Variants in CCDC125 observed in about 807,000 individuals in gnomAD.
The protein encoded by CCDC125 is coiled-coil domain-containing protein 125.
Under a neutral mutation model 57.4 loss-of-function variants are expected in CCDC125, and 43 were observed. The ratio of observed to expected loss-of-function variants is 0.75; its 90% CI spans 0.59 to 0.97. CCDC125 has a LOEUF of 0.97. CCDC125 is among the 50% of genes least tolerant of loss of function. The pLI, the probability that CCDC125 is intolerant of heterozygous loss-of-function variation, is 0.00. For synonymous variants in CCDC125, 187 were observed against 195.2 expected (o/e 0.96, Z 0.35); for missense variants, 563 against 595.7 (o/e 0.95, Z 0.57).
chr5:69,280,966 G>A lies in CCDC125; in HGVS notation c.*1763C>T, dbSNP rs1038067410. The A allele has an allele frequency of 3.9e-5, 6 of 152,210 alleles. No homozygotes were observed. Among genetic ancestry groups the A allele is most frequent in the African/African-American group, 9.7e-5 (4 of 41,402 alleles). The allele number at this position is 152,210 out of a possible 1,614,324, so 9.4% of individuals were successfully genotyped here. A position where few individuals can be genotyped will look rare whatever the true frequency, so the allele number is the denominator to read the frequency against. On this transcript the variant is annotated 3_prime_UTR_variant, in exon 12 of 12. Coordinates refer to ENST00000396496, the MANE Select transcript of CCDC125 (RefSeq NM_176816.5). The stretch of plus-strand genomic sequence containing the variant: ...CAGGTGCATGCCACCATGCCTTGCC[G>A]AGTTTTTGTATAGATGGGGTTTCAC...
At chr5:69,309,465 C>T (rs1276629532) in intron 4 of CCDC125, 2 of 152,250 alleles carry the variant, frequency 1.3e-5, no homozygotes, top group Admixed American at 6.5e-5. Flanking sequence ...GCCTTGGCAG[C>T]TTCCACATGA....
intron 1 of CCDC125, among the ~76,000 whole-genome samples, chr5:69,322,922 T>C (rs1760261058): frequency 6.6e-6 from 1 of 151,884 alleles, no homozygotes; most frequent in African/African-American, 2.4e-5. Context: ...GGTGGGAGAA[T>C]TGCTTGGCTC....
downstream of CCDC125, among the ~76,000 whole-genome samples, chr5:69,279,626 G>GAC (rs1752373003): frequency 6.6e-6 from 1 of 152,096 alleles, no homozygotes; most frequent in Admixed American, 6.5e-5. Context: ...CTCACCACAG[G>GAC]ACAGCAGCAG....
intron 4 of CCDC125, chr5:69,309,058 C>T (rs1757761775): frequency 6.6e-6 from 1 of 152,370 alleles, no homozygotes; most frequent in South Asian, 2.1e-4. Flanking sequence ...CAAGAGATGG[C>T]TTGGGTACTG....
chr5:69,324,851 T>G (rs1292231396), intron 1 of CCDC125, among the ~76,000 whole-genome samples: 1 of 151,644 alleles, frequency 6.6e-6, no homozygotes, highest in East Asian at 2.0e-4. Flanking sequence ...CCATCACTAA[T>G]TAAAACAATA....
At position 69,294,820 on chromosome 5, in the gene CCDC125, C is replaced by G; in HGVS notation, c.897G>C (p.Arg299=). The G allele has an allele frequency of 6.2e-7, 1 of 1,614,164 alleles. No individual in the cohort carries two copies. Among genetic ancestry groups the G allele is most frequent in the Non-Finnish European group, 8.5e-7 (1 of 1,180,004 alleles). The part of the protein sequence containing the change: ...CSCARMAAST[R]KLLLQLKQEL... ...CTTGTTTGAGCTGAAGAAGCAGTTT[C>G]CGAGTGGATGCTGCCATTCTGGCAC... The change falls in exon 9 of 12, where the codon CGG becomes CGC. Residue 299 remains arginine, a synonymous_variant. Coordinates refer to ENST00000396496, the MANE Select transcript of CCDC125 (RefSeq NM_176816.5).
intron 2 of CCDC125, among the ~76,000 whole-genome samples, chr5:69,316,649 C>G (rs1165120234): frequency 6.6e-6 from 1 of 152,134 alleles, no homozygotes; most frequent in Non-Finnish European, 1.5e-5. Flanking sequence ...GTAGCTGGGA[C>G]TACAGGTGCA....
At chr5:69,297,927 T>G (rs1318200998) in intron 8 of CCDC125, among the ~76,000 whole-genome samples, 1 of 151,748 alleles carries the variant, frequency 6.6e-6, no homozygotes, top group East Asian at 2.0e-4. Context: ...GAGCCATGAT[T>G]GTGCCACTGT....
chr5:69,295,662 C>A (rs57847064), intron 8 of CCDC125, among the ~76,000 whole-genome samples: 1 of 152,174 alleles, frequency 6.6e-6, no homozygotes, highest in Admixed American at 6.6e-5. Flanking sequence ...GAGCAGATGA[C>A]TTCGAAAAGA....
In CCDC125 at chr5:69,280,305, A is replaced by G. The variant is rs1168589438; in HGVS notation, c.*2424T>C. 1 of 152,214 alleles carries G rather than the reference A, an allele frequency of 6.6e-6. No homozygotes were observed. Among genetic ancestry groups the G allele is most frequent in the Non-Finnish European group, 1.5e-5 (1 of 68,036 alleles). The allele number at this position is 152,214 out of a possible 1,614,324, so 9.4% of individuals were successfully genotyped here. On this transcript the variant is annotated 3_prime_UTR_variant, in exon 12 of 12. Coordinates refer to ENST00000396496, the MANE Select transcript of CCDC125 (RefSeq NM_176816.5). ...CACATTTTGATTTTACCTGTCCTCA[A>G]ACTGATCCTTTGCACATGATAATAA...
Position 69,282,546 on chromosome 5 carries a change from G to A in CCDC125, c.*183C>T. The A allele has an allele frequency of 1.8e-6, 1 of 562,628 alleles. No homozygotes were observed. Among genetic ancestry groups the A allele is most frequent in the Admixed American group, 3.5e-5 (1 of 28,228 alleles). The allele number at this position is 562,628 out of a possible 1,614,324, so 34.9% of individuals were successfully genotyped here. ...ACTGCACTCCAACCTGGGTGACAGA[G>A]CAAGACTCCATCTCAAAAGAAGAAA... On this transcript the variant is annotated 3_prime_UTR_variant, in exon 12 of 12. Transcript: ENST00000396496.
At chr5:69,323,189 A>G (rs1157460479) in intron 1 of CCDC125, among the ~76,000 whole-genome samples, 1 of 151,078 alleles carries the variant, frequency 6.6e-6, no homozygotes, top group Non-Finnish European at 1.5e-5. Context: ...TGTGCCTGTA[A>G]TCTCAGCTAC....
intron 6 of CCDC125, among the ~76,000 whole-genome samples, chr5:69,304,422 C>CTTT (rs35397437): frequency 6.7e-5 from 9 of 134,002 alleles, no homozygotes; most frequent in Non-Finnish European, 6.2e-5. Context: ...TAAACATACC[C>CTTT]TTTTTTTTTT....
chr5:69,311,581 G>A (rs181306416), intron 3 of CCDC125, among the ~76,000 whole-genome samples: 93 of 152,252 alleles, frequency 6.1e-4, no homozygotes, highest in Non-Finnish European at 9.1e-4. Flanking sequence ...GAACCCGGGA[G>A]GCGGAGGTTG....
At position 69,320,240 on chromosome 5, in the gene CCDC125, T is replaced by C. The variant is rs767732362; in HGVS notation, c.301A>G (p.Thr101Ala). Residue 101 changes from threonine (T) to alanine (A), a missense_variant, in exon 2 of 12, where the codon ACT (threonine) becomes GCT (alanine). Thr to Ala is a moderately conservative substitution (Grantham distance 58). Coordinates refer to ENST00000396496, the MANE Select transcript of CCDC125 (RefSeq NM_176816.5). ...AGAGGAAATTCAGCATTCTTACCAG[T>C]GCTACTTTGTCGTCTGTAATTGGAA... ...RISNYRRQSS[T>A]VDSNSELSNE... The C allele has an allele frequency of 6.2e-7, 1 of 1,612,258 alleles. No individual in the cohort carries two copies. The highest frequency in any genetic ancestry group is 1.1e-5 in the South Asian group (1 of 90,928).
intron 1 of CCDC125, among the ~76,000 whole-genome samples, chr5:69,327,526 T>G (rs1454790961): frequency 6.6e-6 from 1 of 152,218 alleles, no homozygotes; most frequent in Admixed American, 6.5e-5. Flanking sequence ...ACCAGTTTAA[T>G]GTATTCAGGG....
chr5:69,323,171 T>C (rs1408415329), intron 1 of CCDC125, among the ~76,000 whole-genome samples: 1 of 151,830 alleles, frequency 6.6e-6, no homozygotes, highest in Non-Finnish European at 1.5e-5. Flanking sequence ...TAGCCGGGCA[T>C]TGTGGCGTGT....
chr5:69,304,717 G>A (rs1021035106), intron 6 of CCDC125, among the ~76,000 whole-genome samples: 13 of 152,250 alleles, frequency 8.5e-5, no homozygotes, highest in South Asian at 4.1e-4. Flanking sequence ...GAGCCACTGC[G>A]CCTGGACTAA....
intron 10 of CCDC125, among the ~76,000 whole-genome samples, chr5:69,286,271 A>G (rs12652119): frequency 0.52 from 67,826 of 129,392 alleles, 18,182 homozygotes; most frequent in Middle Eastern, 0.57. Flanking sequence ...TTGTTCTGTC[A>G]CCCAGGCTGG....
Sources: gnomAD v4.1 joint callset for allele counts (sites outside exome capture counted in the v4.1 genomes callset) on GRCh38, gnomAD v4.1.1 for gene constraint, MANE v1.5 for transcripts, NCBI Gene and HGNC (gene_info 2026-07-23, HGNC 2026-07-21) for gene names.